Variants in TSHZ2 observed in about 807,000 individuals in gnomAD.
The protein encoded by TSHZ2 is teashirt zinc finger homeobox 2.
In TSHZ2, 21 loss-of-function variants were observed where a neutral mutation model predicts 74.4. The ratio of observed to expected loss-of-function variants is 0.28; its 90% CI spans 0.20 to 0.41. The LOEUF is 0.41. TSHZ2 is among the 10% of genes least tolerant of loss of function. The pLI is 1.00. For synonymous variants in TSHZ2, 540 were observed against 515.3 expected, an observed-to-expected ratio of 1.05 and a Z score of -0.65; for missense variants, 1,244 against 1,293.5, an observed-to-expected ratio of 0.96 and a Z score of 0.59.
chr20:53,399,569 A>C (rs1430474987), intron 2 of TSHZ2: 1 of 152,220 alleles, frequency 6.6e-6, no homozygotes, highest in Non-Finnish European at 1.5e-5. Flanking sequence ...ACAGACTCTG[A>C]AGAAGCAAAA....
intron 2 of TSHZ2, among the ~76,000 whole-genome samples, chr20:53,323,790 C>T (rs1475667678): frequency 6.6e-6 from 1 of 151,986 alleles, no homozygotes; most frequent in African/African-American, 2.4e-5. Flanking sequence ...GTTGGCCAGG[C>T]TGGTCTCAAA....
At chr20:53,141,571 C>G (rs1395637775) in intron 1 of TSHZ2, among the ~76,000 whole-genome samples, 2 of 152,190 alleles carry the variant, frequency 1.3e-5, no homozygotes, top group African/African-American at 4.8e-5. Context: ...TAAGACAAGG[C>G]CTTGTTGACA....
rs61760184 is a variant in TSHZ2 at position 53,255,361 on chromosome 20, C to T, written c.1903C>T (p.Arg635Cys). Residue 635 changes from arginine to cysteine, a missense_variant, in exon 2 of 3, where the codon CGC becomes TGC. Around this residue, in one of 6 missense-constraint regions of TSHZ2, gnomAD observed 562 missense variants for 544.0 expected, o/e 1.03. Transcript: ENST00000371497. The surrounding 1 kb of genome is among the most constrained non-coding windows in gnomAD (Gnocchi z 4.1). ...SFSHSEGDSF[R>C]KSETPPEAKK... ...CAGCCACAGTGAGGGCGATTCTTTC[C>T]GCAAAAGTGAAACACCTCCAGAAGC... 1.9e-4 allele frequency: 300 copies of T among 1,614,036 alleles called. No homozygotes were observed. Among genetic ancestry groups the T allele is most frequent in the African/African-American group, 1.8e-3 (132 of 75,012 alleles).
chr20:53,188,475 G>GAGA (rs1988655270), intron 1 of TSHZ2, among the ~76,000 whole-genome samples: 1 of 152,312 alleles, frequency 6.6e-6, no homozygotes, highest in Admixed American at 6.5e-5. Context: ...CTCTAGGACA[G>GAGA]AGAAGCTTTT....
intron 1 of TSHZ2, among the ~76,000 whole-genome samples, chr20:53,134,818 C>A (rs191283030): frequency 9.9e-4 from 150 of 152,176 alleles, no homozygotes; most frequent in Non-Finnish European, 1.5e-3. Flanking sequence ...TTGGTCCCAC[C>A]CCTTTCCCAC....
At chr20:53,320,824 G>A (rs1306387668) in intron 2 of TSHZ2, among the ~76,000 whole-genome samples, 2 of 152,198 alleles carry the variant, frequency 1.3e-5, no homozygotes, top group African/African-American at 2.4e-5. Context: ...GTGGTCGGGG[G>A]ACATGTCTGT....
intron 1 of TSHZ2, among the ~76,000 whole-genome samples, chr20:53,093,212 G>A (rs1314054318): frequency 1.3e-5 from 2 of 152,168 alleles, no homozygotes; most frequent in African/African-American, 4.8e-5. Flanking sequence ...ATCTAACGAG[G>A]AATGCTCAGT....
At position 53,106,323 on chromosome 20, in the gene TSHZ2, T is replaced by C. The variant is rs111302663; in HGVS notation, c.40+132990T>C. 7.8e-3 allele frequency among the ~76,000 whole-genome samples: 1,186 copies of C among 151,912 alleles called. 9 individuals are homozygous for C. Among genetic ancestry groups the C allele is most frequent in the South Asian group, 0.017 (83 of 4,806 alleles). On this transcript the variant is annotated intron_variant, in intron 1 of 2. Transcript: ENST00000371497. ...CACATATAAGTGAGGTCATACTGTA[T>C]TTGTCTCTCTGAGCCTGGCTTATGT... is the stretch of plus-strand genomic sequence containing the variant.
At chr20:53,168,209 G>C (rs1223803613) in intron 1 of TSHZ2, among the ~76,000 whole-genome samples, 1 of 152,184 alleles carries the variant, frequency 6.6e-6, no homozygotes, top group Non-Finnish European at 1.5e-5. Flanking sequence ...ATAGTTGTTT[G>C]CTGATGGAGG....
intron 1 of TSHZ2, among the ~76,000 whole-genome samples, chr20:53,112,057 TG>T (rs1986549269): frequency 6.6e-6 from 1 of 152,146 alleles, no homozygotes; most frequent in Admixed American, 6.5e-5. Flanking sequence ...TGGCAGAATA[TG>T]GGCCTTCCCT....
chr20:53,437,845 T>C (rs1984148379), intron 2 of TSHZ2, among the ~76,000 whole-genome samples: 1 of 152,190 alleles, frequency 6.6e-6, no homozygotes, highest in Non-Finnish European at 1.5e-5. Flanking sequence ...TCTCCCTCTC[T>C]CTCTTGTTCT....
At chr20:53,307,237 C>G (rs1390887251) in intron 2 of TSHZ2, among the ~76,000 whole-genome samples, 1 of 152,154 alleles carries the variant, frequency 6.6e-6, no homozygotes, top group African/African-American at 2.4e-5. Context: ...CCCCTTGAAC[C>G]CAGAACACTG....
At chr20:53,112,620 C>CT (rs1363057144) in intron 1 of TSHZ2, among the ~76,000 whole-genome samples, 5 of 152,152 alleles carry the variant, frequency 3.3e-5, no homozygotes, top group African/African-American at 1.2e-4. Flanking sequence ...CCTCAACCTC[C>CT]TGGGCTCAAG....
In TSHZ2 at chr20:52,974,157, C is replaced by T. The variant is rs73284132; in HGVS notation, c.40+824C>T. 6.6e-3 allele frequency among the ~76,000 whole-genome samples: 997 copies of T among 152,046 alleles called. 17 individuals carry two copies. Among genetic ancestry groups the T allele is most frequent in the African/African-American group, 0.023 (947 of 41,474 alleles). On this transcript the variant is annotated intron_variant, in intron 1 of 2. Coordinates refer to ENST00000371497, the MANE Select transcript of TSHZ2 (RefSeq NM_173485.6). ...TTTTTTCTTTTGGGTTGCTTAATTG[C>T]TTTTTTAATAGTATGCTGGGGTTTT... is the stretch of plus-strand genomic sequence containing the variant.
chr20:52,973,517 T>G (rs1310160781), intron 1 of TSHZ2, among the ~76,000 whole-genome samples, 184 bp downstream of exon 1: 2 of 152,140 alleles, frequency 1.3e-5, no homozygotes, highest in Non-Finnish European at 2.9e-5. Flanking sequence ...CCTTCCAAGC[T>G]CCGGTTGGGT....
At chr20:53,175,354 C>T (rs1988311670) in intron 1 of TSHZ2, among the ~76,000 whole-genome samples, 3 of 151,906 alleles carry the variant, frequency 2.0e-5, no homozygotes, top group Admixed American at 2.0e-4. Flanking sequence ...GTTGGCCAGG[C>T]TGGTCTCTAA....
chr20:53,484,487 G>A (rs1286903751), intron 2 of TSHZ2, among the ~76,000 whole-genome samples: 1 of 150,952 alleles, frequency 6.6e-6, no homozygotes, highest in African/African-American at 2.4e-5. Context: ...CCAGGTTCAA[G>A]CGATTCTCAT....
chr20:53,060,924 G>A (rs1984801568), intron 1 of TSHZ2, among the ~76,000 whole-genome samples: 1 of 152,092 alleles, frequency 6.6e-6, no homozygotes, highest in South Asian at 2.1e-4. Context: ...AGGTTGGGTG[G>A]TGGTGTTTCA....
intron 2 of TSHZ2, among the ~76,000 whole-genome samples, chr20:53,405,208 C>T (rs1479283384): frequency 6.7e-6 from 1 of 149,452 alleles, no homozygotes; most frequent in African/African-American, 2.5e-5. Flanking sequence ...GAGATTGCAC[C>T]ATGGCACTCC....
Sources: gnomAD v4.1 joint callset for allele counts (sites outside exome capture counted in the v4.1 genomes callset) on GRCh38, gnomAD v4.1.1 for gene constraint, gnomAD v4.1.1 regional missense constraint, Gnocchi (gnomAD v3.1) non-coding constraint, MANE v1.5 for transcripts, NCBI Gene and HGNC (gene_info 2026-07-23, HGNC 2026-07-21) for gene names.